EMCN: variants seen among roughly 807,000 people sequenced by gnomAD.
The protein encoded by EMCN is MUC-14.
In EMCN, 37 loss-of-function variants were observed where a neutral mutation model predicts 38.4. That is an observed-to-expected ratio of 0.96 (90% confidence interval 0.74 to 1.27). EMCN has a LOEUF of 1.27. EMCN is among the 50% of genes most tolerant of loss of function. The pLI, the probability that EMCN is intolerant of heterozygous loss-of-function variation, is 0.00. For synonymous variants in EMCN, 95 were observed against 100.8 expected (o/e 0.94, Z 0.35); for missense variants, 318 against 302.8 (o/e 1.05, Z -0.37).
At chr4:100,403,615 G>A (rs577551700) in intron 11 of EMCN, among the ~76,000 whole-genome samples, 1 of 151,920 alleles carries the variant, frequency 6.6e-6, no homozygotes, top group Non-Finnish European at 1.5e-5. Flanking sequence ...GGGTTGAATG[G>A]TAGTTCTATT....
At chr4:100,427,799 C>A (rs1727092275) in intron 5 of EMCN, among the ~76,000 whole-genome samples, 1 of 152,264 alleles carries the variant, frequency 6.6e-6, no homozygotes, top group African/African-American at 2.4e-5. Flanking sequence ...AAGTAATAGA[C>A]ATTTTAAACC....
chr4:100,419,763 TAAG>T (rs1378550877), intron 8 of EMCN, among the ~76,000 whole-genome samples: 1 of 152,090 alleles, frequency 6.6e-6, no homozygotes, highest in Non-Finnish European at 1.5e-5. Flanking sequence ...TTTCAGACAT[TAAG>T]AAGTTTATTC....
In EMCN at chr4:100,417,139, T is replaced by C; in HGVS notation, c.667A>G (p.Thr223Ala). Residue 223 changes from threonine (T) to alanine (A), a missense_variant and splice_region_variant, in exon 9 of 12, where the codon ACA (threonine) becomes GCA (alanine). Transcript: ENST00000296420. ...YRMCWKADPG[T>A]PENGNDQPQS... is the part of the protein sequence containing the mutation. Reference sequence around the variant, plus strand: ...TACTGATCATTTCCATTTTCTGGTGTGCCTAGGAGAAGAGGGAGTTGTTAT... The same window carrying C: ...TACTGATCATTTCCATTTTCTGGTGCGCCTAGGAGAAGAGGGAGTTGTTAT... 4 of 1,613,820 alleles carry C rather than the reference T, an allele frequency of 2.5e-6. No homozygotes were observed. The highest frequency in any genetic ancestry group is 2.5e-6 in the Non-Finnish European group (3 of 1,179,766).
At chr4:100,451,800 A>G (rs34596755) in intron 4 of EMCN, among the ~76,000 whole-genome samples, 12,536 of 151,960 alleles carry the variant, frequency 0.082, 730 homozygotes, top group South Asian at 0.14. Context: ...GGCTTTTATG[A>G]GAATTACTAT....
intron 5 of EMCN, among the ~76,000 whole-genome samples, chr4:100,443,367 T>C (rs1163098523): frequency 1.3e-5 from 2 of 152,182 alleles, no homozygotes; most frequent in Non-Finnish European, 2.9e-5. Flanking sequence ...AGGCTGCCAG[T>C]TGGGCAGGGC....
chr4:100,425,062 T>A (rs895999737), intron 5 of EMCN, among the ~76,000 whole-genome samples: 6 of 151,894 alleles, frequency 4.0e-5, no homozygotes, highest in Admixed American at 6.6e-5. Flanking sequence ...TGGAAAGATT[T>A]GGTGGCTGCT....
At chr4:100,437,915 GT>G (rs1366818811) in intron 5 of EMCN, among the ~76,000 whole-genome samples, 1 of 151,354 alleles carries the variant, frequency 6.6e-6, no homozygotes, top group African/African-American at 2.4e-5. Context: ...TTTTTGGAAT[GT>G]TTTTTTATTT....
chr4:100,490,834 T>C (rs1729059079), intron 1 of EMCN, among the ~76,000 whole-genome samples: 1 of 152,196 alleles, frequency 6.6e-6, no homozygotes, highest in South Asian at 2.1e-4. Context: ...ATATCTTCTT[T>C]TATATTTTTT....
At chr4:100,490,174 TAAAA>T (rs35563606) in intron 1 of EMCN, among the ~76,000 whole-genome samples, 1 of 120,372 alleles carries the variant, frequency 8.3e-6, no homozygotes. Flanking sequence ...CTTGAAAAAG[TAAAA>T]AAAAAAAAAA....
chr4:100,408,848 G>A (rs1035026804), intron 11 of EMCN, among the ~76,000 whole-genome samples: 4 of 152,196 alleles, frequency 2.6e-5, no homozygotes, highest in African/African-American at 9.6e-5. Flanking sequence ...CAAGCTAGGG[G>A]CTCATGACTG....
At chr4:100,468,175 C>A (rs1025081936) in intron 3 of EMCN, among the ~76,000 whole-genome samples, 2 of 152,150 alleles carry the variant, frequency 1.3e-5, no homozygotes, top group African/African-American at 2.4e-5. Context: ...GGAGTCGTAT[C>A]AGTACCAGAT....
At chr4:100,427,843 G>A (rs146836112) in intron 5 of EMCN, among the ~76,000 whole-genome samples, 1 of 152,156 alleles carries the variant, frequency 6.6e-6, no homozygotes, top group African/African-American at 2.4e-5. Context: ...CACTCTATCT[G>A]AAGCCTTCCT....
At chr4:100,421,510 A>G in intron 7 of EMCN, 133 bp from the exon 8 acceptor site, 1 of 698,188 alleles carries the variant, frequency 1.4e-6, no homozygotes, top group Non-Finnish European at 2.5e-6. Flanking sequence ...ATTTTAGGCA[A>G]AGATTCCTCT....
At chr4:100,421,194 T>G in intron 8 of EMCN, 88 bp downstream of exon 8, 1 of 1,160,942 alleles carries the variant, frequency 8.6e-7, no homozygotes, top group Non-Finnish European at 1.3e-6. Flanking sequence ...TTTCTATAAC[T>G]TTTCTCTCCC....
At chr4:100,446,576 T>C (rs1727679870) in intron 5 of EMCN, among the ~76,000 whole-genome samples, 1 of 152,168 alleles carries the variant, frequency 6.6e-6, no homozygotes, top group African/African-American at 2.4e-5. Context: ...ATTTTTAGTT[T>C]ATTTATTTTC....
intron 5 of EMCN, among the ~76,000 whole-genome samples, chr4:100,436,934 G>A (rs1727369916): frequency 6.6e-6 from 1 of 152,098 alleles, no homozygotes; most frequent in South Asian, 2.1e-4. Flanking sequence ...TAATATCTAG[G>A]TGATGGGATG....
At chr4:100,478,274 T>C (rs1299819318) in intron 2 of EMCN, among the ~76,000 whole-genome samples, 2 of 152,164 alleles carry the variant, frequency 1.3e-5, no homozygotes, top group African/African-American at 4.8e-5. Flanking sequence ...GCTCTCTCAG[T>C]AGCTCTCATT....
chr4:100,409,824 C>CCCA (rs765069107), intron 11 of EMCN, among the ~76,000 whole-genome samples: 8 of 152,362 alleles, frequency 5.3e-5, no homozygotes, highest in Non-Finnish European at 1.2e-4. Flanking sequence ...TTTCCCTGAG[C>CCCA]CAGCCTACGG....
intron 1 of EMCN, among the ~76,000 whole-genome samples, chr4:100,504,362 C>T (rs1261378059): frequency 6.6e-6 from 1 of 152,164 alleles, no homozygotes; most frequent in Non-Finnish European, 1.5e-5. Context: ...TTGTGGGCGG[C>T]AAGCCATCCA....
Sources: gnomAD v4.1 joint callset for allele counts (sites outside exome capture counted in the v4.1 genomes callset) on GRCh38, gnomAD v4.1.1 for gene constraint, MANE v1.5 for transcripts, NCBI Gene and HGNC (gene_info 2026-07-23, HGNC 2026-07-21) for gene names.